HS6ST3: variants seen among roughly 807,000 people sequenced by gnomAD.
The protein encoded by HS6ST3 is heparan sulfate 6-O-sulfotransferase 3.
Under a neutral mutation model 36.7 loss-of-function variants are expected in HS6ST3, and 12 were observed. The observed-to-expected ratio is 0.33, with a 90% CI of 0.21 to 0.53. The LOEUF is 0.53. HS6ST3 is among the 20% of genes least tolerant of loss of function. The pLI is 0.95. For synonymous variants in HS6ST3, 240 were observed against 257.5 expected, an observed-to-expected ratio of 0.93 and a Z score of 0.65; for missense variants, 584 against 640.9, an observed-to-expected ratio of 0.91 and a Z score of 0.96.
intron 1 of HS6ST3, among the ~76,000 whole-genome samples, chr13:96,564,278 A>T (rs1339358255): frequency 6.6e-6 from 1 of 152,190 alleles, no homozygotes; most frequent in Non-Finnish European, 1.5e-5. Context: ...ATGTGTTTTT[A>T]TGTGGAGATA....
At chr13:96,225,167 G>C (rs930973549) in intron 1 of HS6ST3, among the ~76,000 whole-genome samples, 1 of 152,208 alleles carries the variant, frequency 6.6e-6, no homozygotes, top group African/African-American at 2.4e-5. Context: ...GGTCACACCT[G>C]ACAGGTTTAC....
chr13:96,472,957 T>A (rs575397032), intron 1 of HS6ST3, among the ~76,000 whole-genome samples: 1 of 152,326 alleles, frequency 6.6e-6, no homozygotes, highest in African/African-American at 2.4e-5. Context: ...TTAACCAATA[T>A]ACCATTGTTG....
At chr13:96,247,277 A>G (rs185383704) in intron 1 of HS6ST3, among the ~76,000 whole-genome samples, 40 of 152,186 alleles carry the variant, frequency 2.6e-4, no homozygotes, top group Admixed American at 8.5e-4. Flanking sequence ...TTGTTTTAAT[A>G]CAGCCCTGAT....
intron 1 of HS6ST3, among the ~76,000 whole-genome samples, chr13:96,506,171 C>T (rs1371760689): frequency 6.6e-6 from 1 of 151,862 alleles, no homozygotes; most frequent in East Asian, 1.9e-4. Flanking sequence ...AATTTGAAAC[C>T]GCCGTATAGT....
intron 1 of HS6ST3, among the ~76,000 whole-genome samples, chr13:96,101,560 A>G (rs903007696): frequency 2.6e-5 from 4 of 152,074 alleles, no homozygotes; most frequent in African/African-American, 9.7e-5. Flanking sequence ...TTGGTATCTG[A>G]CAAAACTTGG....
intron 1 of HS6ST3, among the ~76,000 whole-genome samples, chr13:96,101,020 C>T (rs1364233426): frequency 7.9e-5 from 12 of 152,124 alleles, no homozygotes; most frequent in Admixed American, 7.9e-4. Flanking sequence ...TCCAAAGGAA[C>T]AGTTAGCACA....
intron 1 of HS6ST3, among the ~76,000 whole-genome samples, chr13:96,106,353 C>T (rs999613211): frequency 1.3e-5 from 2 of 151,884 alleles, no homozygotes; most frequent in Non-Finnish European, 2.9e-5. Context: ...CTCTGTCTGT[C>T]TCTTGCTCTC....
intron 1 of HS6ST3, among the ~76,000 whole-genome samples, chr13:96,093,031 C>T (rs1336113381): frequency 6.6e-6 from 1 of 152,180 alleles, no homozygotes; most frequent in African/African-American, 2.4e-5. Context: ...TCCAAACCTC[C>T]TAACACATAA....
chr13:96,304,679 T>TTTTCTTTCTTTCTTTC lies in HS6ST3; in HGVS notation c.707+213130_707+213145dup, dbSNP rs56363761. ...CTACATGAGAATCACTGTTGCATGT[T>TTTTCTTTCTTTCTTTC]TTTCTTTCTTTCTTTCTTTCTTTCT... On this transcript the variant is annotated intron_variant, in intron 1 of 1. Coordinates refer to ENST00000376705, the MANE Select transcript of HS6ST3 (RefSeq NM_153456.4). 5.1e-3 allele frequency among the ~76,000 whole-genome samples: 442 copies of TTTTCTTTCTTTCTTTC among 87,014 alleles called. 18 individuals carry two copies. The highest frequency in any genetic ancestry group is 0.019 in the African/African-American group (390 of 20,196). The allele number at this position is 87,014 out of a possible 152,430, so 57.1% of individuals were successfully genotyped here. A position where few individuals can be genotyped will look rare whatever the true frequency, so the allele number is the denominator to read the frequency against.
At chr13:96,585,631 G>C (rs2056358214) in intron 1 of HS6ST3, among the ~76,000 whole-genome samples, 2 of 152,028 alleles carry the variant, frequency 1.3e-5, no homozygotes, top group South Asian at 2.1e-4. Context: ...CCCAGCCCCT[G>C]GTAAACACCA....
intron 1 of HS6ST3, among the ~76,000 whole-genome samples, chr13:96,535,347 G>A (rs2056151238): frequency 6.6e-6 from 1 of 152,004 alleles, no homozygotes; most frequent in African/African-American, 2.4e-5. Flanking sequence ...ATGAGGTCAG[G>A]AGATCGAGAC....
intron 1 of HS6ST3, among the ~76,000 whole-genome samples, chr13:96,806,429 C>A (rs1878199205): frequency 6.6e-6 from 1 of 152,100 alleles, no homozygotes; most frequent in South Asian, 2.1e-4. Flanking sequence ...CACAGTAGAA[C>A]CATGATAGGA....
intron 1 of HS6ST3, among the ~76,000 whole-genome samples, chr13:96,443,350 G>A (rs1398803711): frequency 6.6e-6 from 1 of 151,916 alleles, no homozygotes; most frequent in Non-Finnish European, 1.5e-5. Context: ...CTAACATGGT[G>A]AAACCCTGGC....
At chr13:96,644,358 T>C (rs1249620273) in intron 1 of HS6ST3, among the ~76,000 whole-genome samples, 1 of 152,046 alleles carries the variant, frequency 6.6e-6, no homozygotes, top group East Asian at 1.9e-4. Context: ...CAGGAAAATG[T>C]GTACTGAATC....
intron 1 of HS6ST3, among the ~76,000 whole-genome samples, chr13:96,319,914 C>T (rs2054995211): frequency 6.6e-6 from 1 of 152,028 alleles, no homozygotes; most frequent in South Asian, 2.1e-4. Flanking sequence ...GATTGCTGCC[C>T]CAGAAATTAC....
At chr13:96,399,286 G>A (rs1161644864) in intron 1 of HS6ST3, among the ~76,000 whole-genome samples, 4 of 152,020 alleles carry the variant, frequency 2.6e-5, no homozygotes, top group African/African-American at 9.7e-5. Context: ...TTTAATCATG[G>A]CATGATGAAA....
chr13:96,399,678 G>A (rs1341238127), intron 1 of HS6ST3, among the ~76,000 whole-genome samples: 1 of 152,260 alleles, frequency 6.6e-6, no homozygotes. Context: ...CAGATCTGAG[G>A]TGGGGCTGGA....
At chr13:96,648,056 T>G (rs2056594868) in intron 1 of HS6ST3, among the ~76,000 whole-genome samples, 1 of 152,044 alleles carries the variant, frequency 6.6e-6, no homozygotes, top group African/African-American at 2.4e-5. Flanking sequence ...AGTGTTGATC[T>G]TTGCACACTA....
chr13:96,234,451 T>C (rs1432998320), intron 1 of HS6ST3, among the ~76,000 whole-genome samples: 1 of 152,054 alleles, frequency 6.6e-6, no homozygotes, highest in African/African-American at 2.4e-5. Context: ...ATGCTGCTAA[T>C]AAAGACATAC....
Sources: allele counts gnomAD v4.1 joint callset (sites outside exome capture counted in the v4.1 genomes callset), GRCh38; gene constraint gnomAD v4.1.1; transcripts MANE v1.5; gene names NCBI Gene and HGNC (gene_info 2026-07-23, HGNC 2026-07-21).